GRIN2B: variants seen among roughly 807,000 people sequenced by gnomAD.
The protein encoded by GRIN2B is glutamate ionotropic receptor NMDA type subunit 2B.
A neutral mutation model predicts 114.5 loss-of-function variants in GRIN2B; 5 were observed. The observed-to-expected ratio is 0.04, with a 90% confidence interval of 0.02 to 0.09. GRIN2B has a LOEUF of 0.09. Among genes scored for constraint, GRIN2B ranks in the 10% least tolerant of loss-of-function variants. The pLI is 1.00. For missense variants in GRIN2B, 1,108 were observed against 1,943.5 expected (o/e 0.57, Z 8.08); for synonymous variants, 787 against 745.1 (o/e 1.06, Z -0.92).
intron 2 of GRIN2B, among the ~76,000 whole-genome samples, chr12:13,917,991 G>A (rs1423035424): frequency 6.6e-6 from 1 of 152,118 alleles, no homozygotes; most frequent in Non-Finnish European, 1.5e-5. Flanking sequence ...AGGCATCACA[G>A]TGGTCAGCTG....
intron 4 of GRIN2B, among the ~76,000 whole-genome samples, chr12:13,701,031 A>T (rs1464031615): frequency 1.3e-5 from 2 of 152,342 alleles, no homozygotes; most frequent in African/African-American, 4.8e-5. Flanking sequence ...CCGTGGCAGA[A>T]GGTGAAGGGG....
At chr12:13,827,733 G>C (rs1865072078) in intron 3 of GRIN2B, among the ~76,000 whole-genome samples, 1 of 152,080 alleles carries the variant, frequency 6.6e-6, no homozygotes, top group African/African-American at 2.4e-5. Flanking sequence ...CCAGGGTGGA[G>C]TGCGGTGGTA....
chr12:13,569,174 C>T (rs1948676737), intron 12 of GRIN2B, among the ~76,000 whole-genome samples: 1 of 152,162 alleles, frequency 6.6e-6, no homozygotes, highest in South Asian at 2.1e-4. Context: ...TGACAAACTG[C>T]TTCAATCCTC....
intron 2 of GRIN2B, among the ~76,000 whole-genome samples, chr12:13,968,333 TGAG>T (rs891857591): frequency 1.3e-4 from 20 of 152,240 alleles, no homozygotes; most frequent in African/African-American, 4.6e-4. Flanking sequence ...CGCTTATGGT[TGAG>T]GAGATTTTTT....
intron 2 of GRIN2B, among the ~76,000 whole-genome samples, chr12:13,886,708 T>G (rs982818594): frequency 1.3e-5 from 2 of 152,104 alleles, no homozygotes; most frequent in African/African-American, 4.8e-5. Flanking sequence ...CCCCAGTTCC[T>G]CTTGAGGGCC....
intron 10 of GRIN2B, among the ~76,000 whole-genome samples, chr12:13,592,235 A>G (rs1434362807): frequency 6.6e-6 from 1 of 152,150 alleles, no homozygotes; most frequent in Non-Finnish European, 1.5e-5. Flanking sequence ...CGCTGGCAGG[A>G]ACAGGAATGA....
chr12:13,894,399 A>T (rs1024436796), intron 2 of GRIN2B, among the ~76,000 whole-genome samples: 3 of 152,150 alleles, frequency 2.0e-5, no homozygotes, highest in East Asian at 1.9e-4. Flanking sequence ...TAAGTAGCCT[A>T]AAAAAATTAT....
intron 3 of GRIN2B, among the ~76,000 whole-genome samples, chr12:13,854,194 A>AACACAC (rs1865619318): frequency 6.6e-6 from 1 of 152,150 alleles, no homozygotes; most frequent in South Asian, 2.1e-4. Context: ...ACCACACTTA[A>AACACAC]ACACACACAT....
intron 4 of GRIN2B, among the ~76,000 whole-genome samples, chr12:13,707,269 C>A (rs1248681687): frequency 6.6e-6 from 1 of 152,060 alleles, no homozygotes; most frequent in African/African-American, 2.4e-5. Context: ...CAGGTTGCAT[C>A]TCAGAAGATC....
chr12:13,968,261 C>T (rs1867821922), intron 2 of GRIN2B, among the ~76,000 whole-genome samples: 1 of 152,244 alleles, frequency 6.6e-6, no homozygotes, highest in Non-Finnish European at 1.5e-5. Context: ...ACATTGAAAA[C>T]TGGCTATTTG....
At chr12:13,919,887 G>A (rs966307464) in intron 2 of GRIN2B, among the ~76,000 whole-genome samples, 9 of 152,144 alleles carry the variant, frequency 5.9e-5, no homozygotes, top group Non-Finnish European at 8.8e-5. Context: ...GAGCAACAAC[G>A]ATGCAGATGA....
intron 5 of GRIN2B, among the ~76,000 whole-genome samples, chr12:13,675,397 G>A (rs1415127211): frequency 1.3e-5 from 2 of 152,044 alleles, no homozygotes; most frequent in African/African-American, 4.8e-5. Context: ...CTTCCCAGAT[G>A]CTCTCTAGGA....
intron 4 of GRIN2B, among the ~76,000 whole-genome samples, chr12:13,724,040 AT>A (rs1440350047): frequency 6.6e-6 from 1 of 152,100 alleles, no homozygotes; most frequent in African/African-American, 2.4e-5. Flanking sequence ...GTAAGAGAGG[AT>A]TTTCCTGAAA....
intron 2 of GRIN2B, among the ~76,000 whole-genome samples, chr12:13,904,028 C>T (rs1202926627): frequency 6.6e-6 from 1 of 151,746 alleles, no homozygotes; most frequent in Non-Finnish European, 1.5e-5. Flanking sequence ...TCTGTTTTTC[C>T]AACTTTGTAT....
intron 5 of GRIN2B, among the ~76,000 whole-genome samples, chr12:13,667,149 T>C (rs1949984108): frequency 6.6e-6 from 1 of 151,914 alleles, no homozygotes. Flanking sequence ...TTCAAGAAAA[T>C]GAAACCAACA....
chr12:13,915,594 C>T lies in GRIN2B; in HGVS notation c.-18-49368G>A, dbSNP rs139310889. Reference sequence around the variant, plus strand: ...ATATCCACAGTGTCCATTATAGCTGCCCCATGCAGCCACTGGACACTTGAA... The same window carrying T: ...ATATCCACAGTGTCCATTATAGCTGTCCCATGCAGCCACTGGACACTTGAA... On this transcript the variant is annotated intron_variant, in intron 2 of 13. Transcript: ENST00000609686. 9.3e-4 allele frequency among the ~76,000 whole-genome samples: 141 copies of T among 152,322 alleles called. 1 individual carries two copies. The highest frequency in any genetic ancestry group is 3.2e-3 in the African/African-American group (131 of 41,562).
chr12:13,607,200 TATA>T (rs1325634474), intron 10 of GRIN2B, among the ~76,000 whole-genome samples: 2 of 111,076 alleles, frequency 1.8e-5, no homozygotes, highest in Middle Eastern at 3.8e-3. Flanking sequence ...AAAAAATATA[TATA>T]ATATATAAAA....
At chr12:13,800,764 C>T (rs1387494603) in intron 3 of GRIN2B, among the ~76,000 whole-genome samples, 3 of 152,128 alleles carry the variant, frequency 2.0e-5, no homozygotes, top group Non-Finnish European at 2.9e-5. Context: ...TATGAATGTA[C>T]GTCATGATTT....
intron 3 of GRIN2B, among the ~76,000 whole-genome samples, chr12:13,778,185 T>C (rs948354474): frequency 4.1e-4 from 62 of 152,316 alleles, no homozygotes; most frequent in African/African-American, 1.4e-3. Flanking sequence ...ATTAAATATA[T>C]GGTTTTCTTA....
Sources: allele counts gnomAD v4.1 joint callset (sites outside exome capture counted in the v4.1 genomes callset), GRCh38; gene constraint gnomAD v4.1.1; transcripts MANE v1.5; gene names NCBI Gene and HGNC (gene_info 2026-07-23, HGNC 2026-07-21).